NIT2: variants seen among roughly 807,000 people sequenced by gnomAD.
NIT2 encodes the protein omega-amidase NIT2.
NIT2 carries 46 observed loss-of-function variants against 42.7 expected under a neutral mutation model. That is an observed-to-expected ratio of 1.08 (90% CI 0.85 to 1.38). The LOEUF (loss-of-function observed/expected upper bound fraction) is 1.38. Among genes scored for constraint, NIT2 ranks in the 40% most tolerant of loss-of-function variants. NIT2 has a pLI of 0.00. For synonymous variants in NIT2, 123 were observed against 121.9 expected (o/e 1.01, Z -0.06); for missense variants, 309 against 342.5 (o/e 0.90, Z 0.77).
At chr3:100,336,876 C>T (rs566364636) in intron 1 of NIT2, among the ~76,000 whole-genome samples, 4 of 152,310 alleles carry the variant, frequency 2.6e-5, no homozygotes, top group South Asian at 4.1e-4. Context: ...AGACCCTTTA[C>T]GGGTGTCGGG....
chr3:100,338,328 C>A (rs1706102811), intron 1 of NIT2, among the ~76,000 whole-genome samples: 1 of 152,182 alleles, frequency 6.6e-6, no homozygotes, highest in Non-Finnish European at 1.5e-5. Flanking sequence ...GTATCTCTTT[C>A]AACCTCTCAT....
intron 2 of NIT2, among the ~76,000 whole-genome samples, chr3:100,339,607 G>A (rs1576198696): frequency 1.3e-5 from 2 of 151,882 alleles, no homozygotes; most frequent in African/African-American, 4.8e-5. Context: ...CCTGTGATTT[G>A]TCTCCTCCAA....
intron 2 of NIT2, 27 bp downstream of exon 2, chr3:100,339,232 C>A: frequency 7.1e-7 from 1 of 1,406,148 alleles, no homozygotes; most frequent in Non-Finnish European, 1.0e-6. Flanking sequence ...CCATTCTGTT[C>A]TAGCCACTGT....
chr3:100,345,798 A>G lies in NIT2; in HGVS notation c.430+120A>G, dbSNP rs548185373. ...CCTAACTGAAAGACCATAAGTGAGA[A>G]AGGCAGAGAATCATCACAGATCTGG... On this transcript the variant is annotated intron_variant, in intron 5 of 9. Coordinates refer to ENST00000394140, the MANE Select transcript of NIT2 (RefSeq NM_020202.5). 5 of 681,570 alleles carry G rather than the reference A, an allele frequency of 7.3e-6. No homozygotes were observed. In the South Asian group the frequency reaches 9.2e-5, roughly 13 times the overall value. The allele number at this position is 681,570 out of a possible 1,614,324, so 42.2% of individuals were successfully genotyped here.
At chr3:100,342,915 T>C (rs1706171570) in intron 4 of NIT2, among the ~76,000 whole-genome samples, 1 of 152,168 alleles carries the variant, frequency 6.6e-6, no homozygotes, top group Non-Finnish European at 1.5e-5. Context: ...TCTGAGGATC[T>C]GTTAGCTAGG....
At position 100,356,560 on chromosome 3, in the gene NIT2, G is replaced by A. The variant is rs1023280698; in HGVS notation, c.*1292G>A. The A allele has an allele frequency of 3.3e-5, 5 of 152,028 alleles. No homozygotes were observed. Among genetic ancestry groups the A allele is most frequent in the Admixed American group, 6.6e-5 (1 of 15,250 alleles). The allele number at this position is 152,028 out of a possible 1,614,324, so 9.4% of individuals were successfully genotyped here. Reference sequence around the variant, plus strand: ...GATGGACACGGTGTCCAAATGACACGGTGTCATTTAACTTCTGGAAAACAA... The same window carrying A: ...GATGGACACGGTGTCCAAATGACACAGTGTCATTTAACTTCTGGAAAACAA... On this transcript the variant is annotated 3_prime_UTR_variant, in exon 10 of 10. Coordinates refer to ENST00000394140, the MANE Select transcript of NIT2 (RefSeq NM_020202.5).
In NIT2 at chr3:100,345,679, G is replaced by C. The variant is rs370076508; in HGVS notation, c.430+1G>C. The C allele has an allele frequency of 3.1e-6, 5 of 1,587,458 alleles. No individual in the cohort carries two copies. Among genetic ancestry groups the C allele is most frequent in the Non-Finnish European group, 4.3e-6 (5 of 1,156,378 alleles). On this transcript the variant is annotated splice_donor_variant, in intron 5 of 9. Coordinates refer to ENST00000394140, the MANE Select transcript of NIT2 (RefSeq NM_020202.5). LOFTEE classifies it high-confidence loss of function. The stretch of plus-strand genomic sequence containing the variant: ...GATAGTTTCTCCACATTTGATACTC[G>C]TATGTACCAGATAAGTTTGCCTCTT...
intron 5 of NIT2, 69 bp downstream of exon 5, chr3:100,345,747 T>C (rs1212268697): frequency 1.0e-6 from 1 of 974,412 alleles, no homozygotes; most frequent in African/African-American, 1.6e-5. Context: ...ATTTCTTTTT[T>C]GTCTCTCTCC....
intron 1 of NIT2, among the ~76,000 whole-genome samples, chr3:100,337,541 A>G (rs541555373): frequency 1.3e-5 from 2 of 152,122 alleles, no homozygotes; most frequent in South Asian, 2.1e-4. Context: ...GTAACCTCCA[A>G]CTCCCAGGTT....
At chr3:100,351,622 A>T (rs1706275029) in intron 7 of NIT2, among the ~76,000 whole-genome samples, 1 of 152,258 alleles carries the variant, frequency 6.6e-6, no homozygotes, top group South Asian at 2.1e-4. Context: ...TGGATTAAAG[A>T]CTTAAACGTT....
At position 100,356,802 on chromosome 3, in the gene NIT2, T is replaced by C. The variant is rs554953191; in HGVS notation, c.*1534T>C. The C allele has an allele frequency of 2.0e-5, 3 of 152,324 alleles. No homozygotes were observed. The South Asian group carries it at 6.2e-4, about 32-fold the overall frequency. The allele number at this position is 152,324 out of a possible 1,614,324, so 9.4% of individuals were successfully genotyped here. ...ATCCCTCTGGCTAGTCCTTTGTCAA[T>C]CACTGATAAATTTTATTACTATAGA... On this transcript the variant is annotated 3_prime_UTR_variant, in exon 10 of 10. Coordinates refer to ENST00000394140, the MANE Select transcript of NIT2 (RefSeq NM_020202.5).
chr3:100,352,227 A>T (rs1706282016), intron 7 of NIT2, among the ~76,000 whole-genome samples, 177 bp from the exon 8 acceptor site: 1 of 152,230 alleles, frequency 6.6e-6, no homozygotes, highest in Non-Finnish European at 1.5e-5. Context: ...CTAGAACTAG[A>T]AATACCATTT....
intron 2 of NIT2, 90 bp downstream of exon 2, chr3:100,339,295 G>T: frequency 1.2e-6 from 1 of 846,012 alleles, no homozygotes; most frequent in East Asian, 2.4e-5. Context: ...TGTATCCTGG[G>T]GTCCAGCAGT....
chr3:100,349,159 G>C (rs1238976245), intron 7 of NIT2: 3 of 292,788 alleles, frequency 1.0e-5, no homozygotes, highest in Non-Finnish European at 2.0e-5. Flanking sequence ...CATTGCCCAG[G>C]CTGGAGTGCA....
chr3:100,338,845 G>T (rs1706108750), intron 1 of NIT2, among the ~76,000 whole-genome samples: 1 of 152,180 alleles, frequency 6.6e-6, no homozygotes, highest in Non-Finnish European at 1.5e-5. Flanking sequence ...TTTTGGACAG[G>T]ATAATTCTTC....
Position 100,359,903 on chromosome 3 carries a change from C to G in NIT2, c.*4635C>G, listed in dbSNP as rs749492080. The G allele has an allele frequency of 6.6e-6, 1 of 152,188 alleles. No homozygotes were observed. The highest frequency in any genetic ancestry group is 1.5e-5 in the Non-Finnish European group (1 of 68,044). The allele number at this position is 152,188 out of a possible 1,614,324, so 9.4% of individuals were successfully genotyped here. A position where few individuals can be genotyped will look rare whatever the true frequency, so the allele number is the denominator to read the frequency against. The stretch of plus-strand genomic sequence containing the variant: ...TCCCCACATTCTGGAAGCTCCTTAC[C>G]TAAATCCTGTTTATTCCTTAATGCT... On this transcript the variant is annotated 3_prime_UTR_variant, in exon 10 of 10. Coordinates refer to ENST00000394140, the MANE Select transcript of NIT2 (RefSeq NM_020202.5).
intron 4 of NIT2, 138 bp downstream of exon 4, chr3:100,341,299 G>C: frequency 1.6e-6 from 1 of 609,252 alleles, no homozygotes; most frequent in Non-Finnish European, 3.0e-6. Flanking sequence ...TGGCACAGGT[G>C]GTTATTCTTG....
chr3:100,358,839 G>A lies in NIT2; in HGVS notation c.*3571G>A, dbSNP rs1576205858. The A allele has an allele frequency of 2.6e-5, 4 of 152,314 alleles. No homozygotes were observed. The South Asian group carries it at 8.3e-4, about 32-fold the overall frequency. The allele number at this position is 152,314 out of a possible 1,614,324, so 9.4% of individuals were successfully genotyped here. A position where few individuals can be genotyped will look rare whatever the true frequency, so the allele number is the denominator to read the frequency against. On this transcript the variant is annotated 3_prime_UTR_variant, in exon 10 of 10. Coordinates refer to ENST00000394140, the MANE Select transcript of NIT2 (RefSeq NM_020202.5). The stretch of plus-strand genomic sequence containing the variant: ...ATAAATGTTCTGCTCTATTGGCACT[G>A]GTTTTAAGTCTTTTGTGCTACTTTT...
At position 100,361,302 on chromosome 3, in the gene NIT2, A is replaced by ATGTT. The variant is rs758923540; in HGVS notation, c.*6035_*6038dup. The ATGTT allele has an allele frequency of 2.0e-5, 3 of 152,084 alleles. No individual in the cohort carries two copies. Among genetic ancestry groups the ATGTT allele is most frequent in the Non-Finnish European group, 4.4e-5 (3 of 68,022 alleles). 9.4% of individuals were successfully genotyped at this position (152,084 alleles called of 1,614,324 possible). On this transcript the variant is annotated 3_prime_UTR_variant, in exon 10 of 10. Coordinates refer to ENST00000394140, the MANE Select transcript of NIT2 (RefSeq NM_020202.5). The stretch of plus-strand genomic sequence containing the variant: ...CCTCTAAAACAATGCCCAAGAGCCA[A>ATGTT]TGTTAGTCATGGTCTTCCTGTATTT...
Sources: allele counts gnomAD v4.1 joint callset (sites outside exome capture counted in the v4.1 genomes callset), GRCh38; gene constraint gnomAD v4.1.1; transcripts MANE v1.5; gene names NCBI Gene and HGNC (gene_info 2026-07-23, HGNC 2026-07-21).